The following PEX7 variants were observed in gnomAD, a reference collection of about 807,000 sequenced individuals.
PEX7 encodes the protein peroxisomal biogenesis factor 7.
PEX7 carries 34 observed loss-of-function variants against 47.5 expected under a neutral mutation model. The ratio of observed to expected loss-of-function variants is 0.72; its 90% confidence interval spans 0.54 to 0.95. The LOEUF (loss-of-function observed/expected upper bound fraction) is 0.95, where lower values mean the gene tolerates loss of function less well. PEX7 is among the 40% of genes least tolerant of loss of function. The probability of loss-of-function intolerance (pLI) is 0.00; values close to 1 mark genes in which losing one functional copy is unlikely to be tolerated. For missense variants in PEX7, 394 were observed against 400.3 expected, an observed-to-expected ratio of 0.98 and a Z score of 0.13; for synonymous variants, 141 against 148.8, an observed-to-expected ratio of 0.95 and a Z score of 0.38.
chr6:136,866,545 T>C (rs555174154), intron 5 of PEX7, 82 bp from the exon 6 acceptor site: 214 of 1,164,474 alleles, frequency 1.8e-4, no homozygotes, highest in Non-Finnish European at 2.7e-4. Flanking sequence ...GTATTTTTAC[T>C]TGACTTATTA....
chr6:136,907,370 C>A (rs996048723), intron 9 of PEX7, among the ~76,000 whole-genome samples: 2 of 152,130 alleles, frequency 1.3e-5, no homozygotes, highest in African/African-American at 4.8e-5. Context: ...CTCCTGTAGT[C>A]ACTTTCTATT....
At chr6:136,858,936 A>G (rs1774910565) in intron 5 of PEX7, among the ~76,000 whole-genome samples, 1 of 152,200 alleles carries the variant, frequency 6.6e-6, no homozygotes, top group South Asian at 2.1e-4. Flanking sequence ...TCCCAACTGC[A>G]AAGTTTGTAG....
rs917954111 is a variant in PEX7, at chr6:136,900,099, A to G, written c.903+1858A>G. The stretch of plus-strand genomic sequence containing the variant: ...CTGCAGCGCCTCCATTTCCTCAGCT[A>G]TGGCGCTTCCTCGCCCAGGTCTGAA... On this transcript the variant is annotated intron_variant, in intron 9 of 9. Coordinates refer to ENST00000318471, the MANE Select transcript of PEX7 (RefSeq NM_000288.4). The surrounding 1 kb of genome is among the most constrained non-coding windows in gnomAD (Gnocchi z 4.2). 2 of 153,446 alleles carry G rather than the reference A, an allele frequency of 1.3e-5. No homozygotes were observed. Among genetic ancestry groups the G allele is most frequent in the African/African-American group, 4.8e-5 (2 of 41,472 alleles). The allele number at this position is 153,446 out of a possible 1,614,324, so 9.5% of individuals were successfully genotyped here.
chr6:136,913,536 C>G lies in PEX7; in HGVS notation c.*10C>G. On this transcript the variant is annotated 3_prime_UTR_variant, in exon 10 of 10. Transcript: ENST00000318471. ...TACTATTCCTGCTTGAGATACACTACTTTGGTCAGAAACAGAGGATGTTGG... is the reference window on the plus strand; with the variant it reads ...TACTATTCCTGCTTGAGATACACTAGTTTGGTCAGAAACAGAGGATGTTGG... The G allele has an allele frequency of 6.3e-7, 1 of 1,583,690 alleles. No homozygotes were observed. The highest frequency in any genetic ancestry group is 8.7e-7 in the Non-Finnish European group (1 of 1,152,748).
intron 8 of PEX7, among the ~76,000 whole-genome samples, chr6:136,874,740 C>T (rs2115234348): frequency 6.7e-6 from 1 of 149,668 alleles, no homozygotes; most frequent in African/African-American, 2.4e-5. Flanking sequence ...TTGTTTTACT[C>T]TTGTTATTTC....
In PEX7 at chr6:136,893,112, G is replaced by T. The variant is rs1582774273; in HGVS notation, c.804-5030G>T. The stretch of plus-strand genomic sequence containing the variant: ...CTGTAAATTTAGAACTTTTCTAAAT[G>T]AAAAATGTTTATTAAAATGTTTTAA... On this transcript the variant is annotated intron_variant, in intron 8 of 9. Transcript: ENST00000318471. 5.3e-5 allele frequency among the ~76,000 whole-genome samples: 8 copies of T among 152,242 alleles called. No individual in the cohort carries two copies. The South Asian group carries it at 1.7e-3, about 32-fold the overall frequency.
intron 3 of PEX7, among the ~76,000 whole-genome samples, chr6:136,845,093 T>C (rs906878948): frequency 1.3e-5 from 2 of 152,240 alleles, no homozygotes; most frequent in African/African-American, 4.8e-5. Context: ...AATGGTTCAC[T>C]GAGAGCAGTG....
At chr6:136,859,930 A>G (rs1263338183) in intron 5 of PEX7, among the ~76,000 whole-genome samples, 1 of 152,052 alleles carries the variant, frequency 6.6e-6, no homozygotes, top group Non-Finnish European at 1.5e-5. Flanking sequence ...AGGCTGAGGC[A>G]GGAGAATCGC....
At chr6:136,893,271 C>T (rs1276920394) in intron 8 of PEX7, among the ~76,000 whole-genome samples, 9 of 151,952 alleles carry the variant, frequency 5.9e-5, no homozygotes, top group African/African-American at 1.7e-4. Context: ...GCCCTGCTTA[C>T]GTCCTGGAAC....
intron 8 of PEX7, among the ~76,000 whole-genome samples, chr6:136,892,184 A>C (rs1338233899): frequency 1.3e-5 from 2 of 152,220 alleles, no homozygotes. Context: ...ATTCTGGCTC[A>C]TAATTTCCTT....
chr6:136,863,186 T>C (rs1367703689), intron 5 of PEX7, among the ~76,000 whole-genome samples: 1 of 152,200 alleles, frequency 6.6e-6, no homozygotes, highest in African/African-American at 2.4e-5. Context: ...TAGTGGGTCC[T>C]GAATTTTATA....
intron 1 of PEX7, 87 bp downstream of exon 1, chr6:136,822,882 G>T: frequency 8.2e-7 from 1 of 1,223,916 alleles, no homozygotes; most frequent in Non-Finnish European, 1.0e-6. Flanking sequence ...TCGAGGGAAA[G>T]CCCCTCTGAG....
chr6:136,844,048 C>G (rs975129569), intron 3 of PEX7, among the ~76,000 whole-genome samples: 21 of 151,884 alleles, frequency 1.4e-4, no homozygotes, highest in African/African-American at 4.8e-4. Flanking sequence ...AAACTTTTTT[C>G]CAGGTTTATT....
At chr6:136,912,139 C>G (rs1775943805) in intron 9 of PEX7, among the ~76,000 whole-genome samples, 1 of 152,100 alleles carries the variant, frequency 6.6e-6, no homozygotes, top group Non-Finnish European at 1.5e-5. Context: ...ATTCTTGATA[C>G]AAGTTGTCAG....
intron 9 of PEX7, among the ~76,000 whole-genome samples, chr6:136,903,455 C>T (rs893809151): frequency 6.6e-6 from 1 of 150,934 alleles, no homozygotes; most frequent in South Asian, 2.1e-4. Flanking sequence ...GCATTATAGG[C>T]ATGAGCTACC....
At chr6:136,883,478 T>G (rs1775411501) in intron 8 of PEX7, among the ~76,000 whole-genome samples, 1 of 152,230 alleles carries the variant, frequency 6.6e-6, no homozygotes. Flanking sequence ...TTCTGGAAAC[T>G]CCTTATCCTA....
Position 136,864,978 on chromosome 6 carries a change from A to G in PEX7, c.527-1649A>G, listed in dbSNP as rs551325699. The stretch of plus-strand genomic sequence containing the variant: ...GGTTTTCTCACATCATCAGTTGTTT[A>G]TATTTTACTTTTGAGGTAGGTATAT... On this transcript the variant is annotated intron_variant, in intron 5 of 9. Coordinates refer to ENST00000318471, the MANE Select transcript of PEX7 (RefSeq NM_000288.4). 9.8e-5 allele frequency among the ~76,000 whole-genome samples: 15 copies of G among 152,312 alleles called. No homozygotes were observed. The South Asian group carries it at 2.1e-3, about 21-fold the overall frequency.
intron 8 of PEX7, among the ~76,000 whole-genome samples, chr6:136,878,881 A>AT (rs1367074805): frequency 6.6e-6 from 1 of 150,918 alleles, no homozygotes; most frequent in Non-Finnish European, 1.5e-5. Context: ...TCTTTGACAA[A>AT]TTTTTTTTGA....
intron 8 of PEX7, among the ~76,000 whole-genome samples, chr6:136,890,016 CA>C (rs1775527749): frequency 6.6e-6 from 1 of 152,200 alleles, no homozygotes; most frequent in Non-Finnish European, 1.5e-5. Context: ...TACTGCCAGT[CA>C]GCTGGTAGTA....
Sources: gnomAD v4.1 joint callset for allele counts (sites outside exome capture counted in the v4.1 genomes callset) on GRCh38, gnomAD v4.1.1 for gene constraint, Gnocchi (gnomAD v3.1) non-coding constraint, MANE v1.5 for transcripts, NCBI Gene and HGNC (gene_info 2026-07-23, HGNC 2026-07-21) for gene names.